Variants in GGT6 observed in about 807,000 individuals in gnomAD.
GGT6 encodes the protein glutathione hydrolase 6.
A neutral mutation model predicts 17.0 loss-of-function variants in GGT6; 13 were observed. That is an observed-to-expected ratio of 0.77 (90% CI 0.50 to 1.22). The LOEUF is 1.22. Ranked by LOEUF, GGT6 falls within the 50% of genes most tolerant of loss-of-function variation. The pLI is 0.00. For synonymous variants in GGT6, 305 were observed against 297.9 expected (o/e 1.02, Z -0.25); for missense variants, 628 against 643.7 (o/e 0.98, Z 0.26).
rs1166736059 is a variant in GGT6, at chr17:4,559,688, G to A, written c.213C>T (p.Cys71=). 1.9e-6 allele frequency: 3 copies of A among 1,612,470 alleles called. No individual in the cohort carries two copies. The highest frequency in any genetic ancestry group is 2.7e-5 in the African/African-American group (2 of 74,954). Residue 71 remains cysteine, a synonymous_variant, in exon 2 of 4, where the codon TGC becomes TGT. Coordinates refer to ENST00000381550, the MANE Select transcript of GGT6 (RefSeq NM_001288702.2). ...VAALLLLAVG[C]SLAVRQLQNQ... ...TCTGGAGCTGCCTCACAGCCAGGGA[G>A]CAGCCAACAGCCAGCAGCAGCAGGG...
At chr17:4,556,671 C>T (rs1020337200), downstream of GGT6, among the ~76,000 whole-genome samples, 1 of 152,352 alleles carries the variant, frequency 6.6e-6, no homozygotes, top group East Asian at 1.9e-4. Context: ...TGTACCCAAG[C>T]CCCTGGGGCG....
chr17:4,557,946 T>C lies in GGT6; in HGVS notation c.*69A>G. The C allele has an allele frequency of 9.6e-7, 1 of 1,042,416 alleles. No homozygotes were observed. The highest frequency in any genetic ancestry group is 1.6e-5 in the African/African-American group (1 of 62,494). 64.6% of individuals were successfully genotyped at this position (1,042,416 alleles called of 1,614,324 possible). A position where few individuals can be genotyped will look rare whatever the true frequency, so the allele number is the denominator to read the frequency against. ...CTGCGGGTGCACACTCCATTGCTGC[T>C]GTGTCTGCTCTGCTCCTGCCCCCAT... On this transcript the variant is annotated 3_prime_UTR_variant, in exon 4 of 4. Coordinates refer to ENST00000381550, the MANE Select transcript of GGT6 (RefSeq NM_001288702.2).
In GGT6 at chr17:4,559,685, G is replaced by A. The variant is rs930418779; in HGVS notation, c.216C>T (p.Ser72=). The change falls in exon 2 of 4, where the codon TCC becomes TCT. Residue 72 remains serine, a synonymous_variant. Coordinates refer to ENST00000381550, the MANE Select transcript of GGT6 (RefSeq NM_001288702.2). ...GATTCTGGAGCTGCCTCACAGCCAGGGAGCAGCCAACAGCCAGCAGCAGCA... is the reference window on the plus strand; with the variant it reads ...GATTCTGGAGCTGCCTCACAGCCAGAGAGCAGCCAACAGCCAGCAGCAGCA... ...AALLLLAVGC[S]LAVRQLQNQG... The A allele has an allele frequency of 2.5e-6, 4 of 1,612,582 alleles. No individual in the cohort carries two copies. The highest frequency in any genetic ancestry group is 3.4e-6 in the Non-Finnish European group (4 of 1,180,022).
Position 4,558,411 on chromosome 17 carries a change from C to T in GGT6, c.1104G>A (p.Val368=), listed in dbSNP as rs1428722739. Residue 368 remains valine (V), a synonymous_variant, in exon 4 of 4, where the codon GTG becomes GTA. Coordinates refer to ENST00000381550, the MANE Select transcript of GGT6 (RefSeq NM_001288702.2). ...AGTTGAGCGAGGAGGTGAGAAGGAG[C>T]ACAGAGCCGCTGCTGTCCACGGCGG... ...ALAAVDSSGS[V]LLLTSSLNCS... The T allele has an allele frequency of 3.1e-6, 5 of 1,605,256 alleles. No individual in the cohort carries two copies. Among genetic ancestry groups the T allele is most frequent in the Non-Finnish European group, 4.2e-6 (5 of 1,180,010 alleles).
At position 4,560,478 on chromosome 17, in the gene GGT6, GGCA is replaced by G; in HGVS notation, c.41_43del (p.Leu14del). On this transcript the variant is annotated inframe_deletion, in exon 1 of 4. Coordinates refer to ENST00000381550, the MANE Select transcript of GGT6 (RefSeq NM_001288702.2). Reference sequence around the variant, plus strand: ...CTCCGACTCCAAGCTTGGCTCCCAGGGCAGCAGCTTCTGATAGACCACGGGCTC... The same window carrying G: ...CTCCGACTCCAAGCTTGGCTCCCAGGGCAGCTTCTGATAGACCACGGGCTC... The G allele has an allele frequency of 6.2e-7, 1 of 1,613,586 alleles. No individual in the cohort carries two copies. The highest frequency in any genetic ancestry group is 8.5e-7 in the Non-Finnish European group (1 of 1,180,024).
Position 4,558,242 on chromosome 17 carries a change from C to T in GGT6, c.1273G>A (p.Val425Met). The T allele has an allele frequency of 6.2e-7, 1 of 1,614,174 alleles. No individual in the cohort carries two copies. The highest frequency in any genetic ancestry group is 8.5e-7 in the Non-Finnish European group (1 of 1,180,040). Residue 425 changes from valine (V) to methionine (M), a missense_variant, in exon 4 of 4, where the codon GTG becomes ATG. By Grantham distance (21) the Val-to-Met change is conservative (BLOSUM62 1). Transcript: ENST00000381550. ...GCCACATCAGGGGTCCCTGAAGCCA[C>T]AAGCCCCAACACATCAGCCTCTGTG... is the stretch of plus-strand genomic sequence containing the variant. Reference protein sequence around the residue: ...DDTEADVLGLVASGTPDVARA... With the variant: ...DDTEADVLGLMASGTPDVARA...
intron 1 of GGT6, 118 bp downstream of exon 1, chr17:4,560,264 C>T (rs924025556): frequency 1.4e-5 from 16 of 1,136,056 alleles, no homozygotes; most frequent in African/African-American, 7.7e-5. Flanking sequence ...ATTGACCGTA[C>T]AGTGCCTGGA....
Position 4,559,341 on chromosome 17 carries a change from A to AC in GGT6, c.457+1dup. 6.5e-7 allele frequency: 1 copy of AC among 1,549,626 alleles called. No individual in the cohort carries two copies. Among genetic ancestry groups the AC allele is most frequent in the Non-Finnish European group, 8.7e-7 (1 of 1,145,184 alleles). On this transcript the variant is annotated splice_donor_variant, in intron 3 of 3. Transcript: ENST00000381550. LOFTEE classifies it high-confidence loss of function. Reference sequence around the variant, plus strand: ...TGCAGTCTGGGGTCAGGGGTCACTGACCTAGCCCCGTGGCATGAGGATGCA... The same window carrying AC: ...TGCAGTCTGGGGTCAGGGGTCACTGACCCTAGCCCCGTGGCATGAGGATGCA...
chr17:4,560,050 G>A (rs568171356), intron 1 of GGT6: 9 of 571,022 alleles, frequency 1.6e-5, no homozygotes, highest in Non-Finnish European at 2.8e-5. Context: ...CAGGAGAGAA[G>A]GGGCTGGGGA....
In GGT6 at chr17:4,557,519, T is replaced by C. The variant is rs1001384175; in HGVS notation, c.*496A>G. 9 of 152,304 alleles carry C rather than the reference T, an allele frequency of 5.9e-5. No individual in the cohort carries two copies. The highest frequency in any genetic ancestry group is 4.6e-4 in the Admixed American group (7 of 15,300). The allele number at this position is 152,304 out of a possible 1,614,324, so 9.4% of individuals were successfully genotyped here. Reference sequence around the variant, plus strand: ...TAGTAGAGACGGGGTTTCGCCATGTTGCCCAAGCTGGTCTCGAACTCCTAG... The same window carrying C: ...TAGTAGAGACGGGGTTTCGCCATGTCGCCCAAGCTGGTCTCGAACTCCTAG... On this transcript the variant is annotated 3_prime_UTR_variant, in exon 4 of 4. Transcript: ENST00000381550.
At position 4,558,565 on chromosome 17, in the gene GGT6, G is replaced by A; in HGVS notation, c.950C>T (p.Thr317Ile). 6.4e-7 allele frequency: 1 copy of A among 1,568,898 alleles called. No homozygotes were observed. The highest frequency in any genetic ancestry group is 8.6e-7 in the Non-Finnish European group (1 of 1,156,930). Residue 317 changes from threonine (T) to isoleucine (I), a missense_variant, in exon 4 of 4, where the codon ACC becomes ATC. Coordinates refer to ENST00000381550, the MANE Select transcript of GGT6 (RefSeq NM_001288702.2). ...LPVPQGILFT[T>I]PSPSAGPELL... The stretch of plus-strand genomic sequence containing the variant: ...TTCTGGGCCAGCTGAGGGACTGGGG[G>A]TGGTGAACAGGATGCCCTGGGGCAC...
rs775420463 is a variant in GGT6 at position 4,558,521 on chromosome 17, C to T, written c.994G>A (p.Ala332Thr). ...ATGGGCGCCCCGGAGCGCAGGGCTG[C>T]CTCCAACAGTGCCAGCAGTTCTGGG... ...AGPELLALLE[A>T]ALRSGAPIPD... Residue 332 changes from alanine (A) to threonine (T), a missense_variant, in exon 4 of 4, where the codon GCA becomes ACA. Physicochemically the swap from Ala to Thr is moderately conservative, Grantham distance 58. Coordinates refer to ENST00000381550, the MANE Select transcript of GGT6 (RefSeq NM_001288702.2). The T allele has an allele frequency of 2.5e-6, 4 of 1,591,118 alleles. No individual in the cohort carries two copies. Among genetic ancestry groups the T allele is most frequent in the Non-Finnish European group, 3.4e-6 (4 of 1,168,820 alleles).
chr17:4,557,933 A>G lies in GGT6; in HGVS notation c.*82T>C. 1.1e-6 allele frequency: 1 copy of G among 937,306 alleles called. No homozygotes were observed. The highest frequency in any genetic ancestry group is 1.6e-6 in the Non-Finnish European group (1 of 641,732). The allele number at this position is 937,306 out of a possible 1,614,324, so 58.1% of individuals were successfully genotyped here. On this transcript the variant is annotated 3_prime_UTR_variant, in exon 4 of 4. Coordinates refer to ENST00000381550, the MANE Select transcript of GGT6 (RefSeq NM_001288702.2). ...GAGGCACCACACCCTGCGGGTGCAC[A>G]CTCCATTGCTGCTGTGTCTGCTCTG...
intron 2 of GGT6, 33 bp downstream of exon 2, chr17:4,559,525 C>A (rs1908474797): frequency 6.2e-7 from 1 of 1,602,086 alleles, no homozygotes; most frequent in Non-Finnish European, 8.5e-7. Flanking sequence ...CCCTGACCCT[C>A]CCCTCCCCAA....
At chr17:4,556,346 T>C (rs1328457324), downstream of GGT6, among the ~76,000 whole-genome samples, 1 of 150,956 alleles carries the variant, frequency 6.6e-6, no homozygotes, top group African/African-American at 2.4e-5. Flanking sequence ...GTGGGGTGGG[T>C]GATGGAGTTA....
At chr17:4,556,310 G>A (rs934384924), downstream of GGT6, among the ~76,000 whole-genome samples, 1 of 152,172 alleles carries the variant, frequency 6.6e-6, no homozygotes, top group African/African-American at 2.4e-5. Flanking sequence ...ATGAGAACAG[G>A]TCAGATTTGG....
intron 3 of GGT6, 47 bp downstream of exon 3, chr17:4,559,296 A>C: frequency 7.0e-7 from 1 of 1,434,496 alleles, no homozygotes; most frequent in Non-Finnish European, 9.6e-7. Flanking sequence ...CAGGTCACTG[A>C]TCAGGCTGTG....
rs1908270456 is a variant in GGT6 at position 4,557,806 on chromosome 17, A to T, written c.*209T>A. ...GCCCCTGGCAAATTTTTAAATTTTT[A>T]GTACAGATGAGATCTTGCTTTGTTG... On this transcript the variant is annotated 3_prime_UTR_variant, in exon 4 of 4. Coordinates refer to ENST00000381550, the MANE Select transcript of GGT6 (RefSeq NM_001288702.2). 2.1e-6 allele frequency: 1 copy of T among 474,678 alleles called. No individual in the cohort carries two copies. Among genetic ancestry groups the T allele is most frequent in the East Asian group, 3.2e-5 (1 of 31,332 alleles). 29.4% of individuals were successfully genotyped at this position (474,678 alleles called of 1,614,324 possible). A position where few individuals can be genotyped will look rare whatever the true frequency, so the allele number is the denominator to read the frequency against.
rs375413870 is a variant in GGT6, at chr17:4,558,088, TG to T, written c.1426del (p.Gln476ArgfsTer38). The T allele has an allele frequency of 6.2e-7, 1 of 1,605,438 alleles. No homozygotes were observed. The highest frequency in any genetic ancestry group is 2.2e-5 in the East Asian group (1 of 44,806). ...PSTCGQGTLLQVAAHTEHAHV... is the reference protein window; with the variant it reads ...PSTCGQGTLLXVAAHTEHAHV... ...GGCGTGCTCTGTGTGGGCTGCCACC[TG>T]GAGCAGGGTCCCTTGGCCACAAGTG... On this transcript the variant is annotated frameshift_variant, in exon 4 of 4. Transcript: ENST00000381550. LOFTEE classifies it high-confidence loss of function.
Sources: allele counts gnomAD v4.1 joint callset (sites outside exome capture counted in the v4.1 genomes callset), GRCh38; gene constraint gnomAD v4.1.1; transcripts MANE v1.5; gene names NCBI Gene and HGNC (gene_info 2026-07-23, HGNC 2026-07-21).